The following CSMD3 variants were observed in gnomAD, a reference collection of about 807,000 sequenced individuals.
CSMD3 encodes the protein CUB and Sushi multiple domains 3.
CSMD3 carries 177 observed loss-of-function variants against 435.2 expected under a neutral mutation model. The observed-to-expected ratio is 0.41, with a 90% CI of 0.36 to 0.46. The LOEUF is 0.46. Among genes scored for constraint, CSMD3 ranks in the 20% least tolerant of loss-of-function variants. The probability of loss-of-function intolerance (pLI) is 0.34; values close to 1 mark genes in which losing one functional copy is unlikely to be tolerated. For missense variants in CSMD3, 4,265 were observed against 4,504.6 expected, an observed-to-expected ratio of 0.95 and a Z score of 1.52; for synonymous variants, 1,656 against 1,520.5, an observed-to-expected ratio of 1.09 and a Z score of -2.07.
At chr8:113,158,095 C>G (rs191139552) in intron 4 of CSMD3, among the ~76,000 whole-genome samples, 63 of 151,514 alleles carry the variant, frequency 4.2e-4, no homozygotes, top group Non-Finnish European at 8.1e-4. Flanking sequence ...AAAAAATATA[C>G]ATTGCTACCA....
intron 38 of CSMD3, among the ~76,000 whole-genome samples, chr8:112,369,967 G>T (rs1425588590): frequency 6.7e-6 from 1 of 150,374 alleles, no homozygotes; most frequent in African/African-American, 2.4e-5. Context: ...GGAGGAGGAA[G>T]AAGAAGAAGA....
intron 51 of CSMD3, among the ~76,000 whole-genome samples, chr8:112,305,213 A>C (rs1447587156): frequency 6.6e-6 from 1 of 152,152 alleles, no homozygotes; most frequent in African/African-American, 2.4e-5. Flanking sequence ...TAAGTTTAGA[A>C]AAGACTATAT....
chr8:112,301,213 G>A (rs950934140), intron 53 of CSMD3, among the ~76,000 whole-genome samples: 1 of 151,888 alleles, frequency 6.6e-6, no homozygotes, highest in Non-Finnish European at 1.5e-5. Context: ...TAATAAAAGA[G>A]GCAGGGTAAG....
intron 1 of CSMD3, among the ~76,000 whole-genome samples, chr8:113,393,065 C>A (rs1414560674): frequency 6.6e-6 from 1 of 151,590 alleles, no homozygotes; most frequent in East Asian, 1.9e-4. Flanking sequence ...ATTTATGGCA[C>A]AATTTACTCT....
intron 13 of CSMD3, among the ~76,000 whole-genome samples, chr8:112,735,653 T>C (rs1392279088): frequency 6.6e-6 from 1 of 152,014 alleles, no homozygotes; most frequent in Non-Finnish European, 1.5e-5. Context: ...TAAAAAGTGC[T>C]TGAAACTTGA....
At chr8:112,557,605 C>A (rs964653856) in intron 24 of CSMD3, among the ~76,000 whole-genome samples, 1 of 151,860 alleles carries the variant, frequency 6.6e-6, no homozygotes, top group African/African-American at 2.4e-5. Flanking sequence ...GTAATAAAAT[C>A]TCCATAATAA....
chr8:112,821,322 G>T (rs1040947352), intron 12 of CSMD3, among the ~76,000 whole-genome samples: 4 of 151,942 alleles, frequency 2.6e-5, no homozygotes, highest in African/African-American at 9.7e-5. Context: ...ATTGTTTCTT[G>T]ACTTTTTAAT....
chr8:112,879,924 G>A (rs1227752284), intron 10 of CSMD3, among the ~76,000 whole-genome samples: 1 of 152,004 alleles, frequency 6.6e-6, no homozygotes, highest in Non-Finnish European at 1.5e-5. Flanking sequence ...CTGTTGGGGG[G>A]TGGAGGGTTA....
At chr8:113,376,938 G>A in intron 1 of CSMD3, 2 of 1,571,042 alleles carry the variant, frequency 1.3e-6, no homozygotes, top group Non-Finnish European at 1.7e-6. Context: ...CGGATGACGT[G>A]CGGGTTCAGG....
At chr8:112,383,050 A>T (rs1166506420) in intron 37 of CSMD3, among the ~76,000 whole-genome samples, 1 of 152,174 alleles carries the variant, frequency 6.6e-6, no homozygotes, top group Non-Finnish European at 1.5e-5. Context: ...ATCTTACATA[A>T]AAATATAAGA....
intron 3 of CSMD3, among the ~76,000 whole-genome samples, chr8:113,189,024 G>C (rs868552566): frequency 1.1e-4 from 17 of 151,806 alleles, no homozygotes; most frequent in Non-Finnish European, 2.5e-4. Flanking sequence ...TGAACCTTGA[G>C]TTTATTGAAT....
At chr8:112,318,775 A>G (rs1822713162) in intron 47 of CSMD3, 62 bp downstream of exon 47, 1 of 1,070,044 alleles carries the variant, frequency 9.3e-7, no homozygotes, top group East Asian at 2.6e-5. Flanking sequence ...AATCATACCT[A>G]TATTAAGTTA....
At chr8:112,296,477 A>G (rs536210191) in intron 53 of CSMD3, among the ~76,000 whole-genome samples, 3 of 151,864 alleles carry the variant, frequency 2.0e-5, no homozygotes, top group African/African-American at 7.2e-5. Context: ...CGTGAACCGG[A>G]AGGTGGAGCT....
intron 22 of CSMD3, among the ~76,000 whole-genome samples, chr8:112,603,235 C>T (rs1278238440): frequency 6.6e-6 from 1 of 152,198 alleles, no homozygotes; most frequent in South Asian, 2.1e-4. Flanking sequence ...GAAGTACTTC[C>T]AGCATTGCTA....
At chr8:112,470,992 A>G (rs953861035) in intron 32 of CSMD3, among the ~76,000 whole-genome samples, 1 of 152,172 alleles carries the variant, frequency 6.6e-6, no homozygotes, top group African/African-American at 2.4e-5. Flanking sequence ...ATTAAATTCA[A>G]CTTATATTAA....
rs1829383122 is a variant in CSMD3, at chr8:112,380,589, T to G, written c.6032-133A>C. The stretch of plus-strand genomic sequence containing the variant: ...ATTCAAGTTGTTTTTCAAAAAAAAT[T>G]TAATAGAAATATTTTTCTCACAATC... On this transcript the variant is annotated intron_variant, in intron 37 of 70. Transcript: ENST00000297405. The G allele has an allele frequency of 7.9e-6, 5 of 630,586 alleles. No homozygotes were observed. The East Asian group carries it at 1.4e-4, about 18-fold the overall frequency. The allele number at this position is 630,586 out of a possible 1,614,324, so 39.1% of individuals were successfully genotyped here. A position where few individuals can be genotyped will look rare whatever the true frequency, so the allele number is the denominator to read the frequency against.
intron 6 of CSMD3, among the ~76,000 whole-genome samples, chr8:113,002,765 T>C (rs1474099150): frequency 6.6e-6 from 1 of 152,120 alleles, no homozygotes; most frequent in Non-Finnish European, 1.5e-5. Flanking sequence ...ATACAAACTT[T>C]CCTGTCAACA....
At chr8:112,861,349 T>G (rs1038011314) in intron 10 of CSMD3, among the ~76,000 whole-genome samples, 1 of 151,854 alleles carries the variant, frequency 6.6e-6, no homozygotes, top group Non-Finnish European at 1.5e-5. Flanking sequence ...AAATTCCTAA[T>G]AGGGAGTATA....
At chr8:112,740,710 A>G (rs1482309013) in intron 13 of CSMD3, among the ~76,000 whole-genome samples, 1 of 152,034 alleles carries the variant, frequency 6.6e-6, no homozygotes, top group South Asian at 2.1e-4. Context: ...AGTGCTTGAC[A>G]GACATGGTGA....
Sources: allele counts gnomAD v4.1 joint callset (sites outside exome capture counted in the v4.1 genomes callset), GRCh38; gene constraint gnomAD v4.1.1; transcripts MANE v1.5; gene names NCBI Gene and HGNC (gene_info 2026-07-23, HGNC 2026-07-21).